FSTL4: variants seen among roughly 807,000 people sequenced by gnomAD.
FSTL4 encodes the protein follistatin-related protein 4.
Under a neutral mutation model 78.2 loss-of-function variants are expected in FSTL4, and 28 were observed. The observed-to-expected ratio is 0.36, with a 90% CI of 0.27 to 0.49. FSTL4 has a LOEUF of 0.49. FSTL4 is among the 20% of genes least tolerant of loss of function. FSTL4 has a pLI of 0.98. For missense variants in FSTL4, 922 were observed against 1,084.9 expected (o/e 0.85, Z 2.11); for synonymous variants, 422 against 440.5 (o/e 0.96, Z 0.53).
At chr5:133,634,923 G>T in the FSTL4 span, among the ~76,000 whole-genome samples, 1 of 152,018 alleles carries the variant, frequency 6.6e-6, no homozygotes, top group African/African-American at 2.4e-5. Context: ...GTACTGCCTT[G>T]TTCATCCAGA....
At chr5:133,593,936 T>C in intron 2 of FSTL4, among the ~76,000 whole-genome samples, 1 of 115,236 alleles carries the variant, frequency 8.7e-6, no homozygotes, top group African/African-American at 3.4e-5. Flanking sequence ...AAGGATAGAA[T>C]CACAAATCCC....
chr5:133,438,867 G>A (rs769312910), intron 3 of FSTL4, among the ~76,000 whole-genome samples: 2 of 152,208 alleles, frequency 1.3e-5, no homozygotes, highest in Non-Finnish European at 2.9e-5. Context: ...CTAAGAATGG[G>A]GTTATGTGAG....
At chr5:133,503,217 G>A (rs1044612816) in intron 3 of FSTL4, among the ~76,000 whole-genome samples, 8 of 152,142 alleles carry the variant, frequency 5.3e-5, no homozygotes, top group African/African-American at 1.9e-4. Flanking sequence ...AACCCACAAA[G>A]TTGCACTAGA....
At chr5:133,380,814 T>TATATA (rs1755549628) in intron 4 of FSTL4, among the ~76,000 whole-genome samples, 1 of 143,336 alleles carries the variant, frequency 7.0e-6, no homozygotes, top group Non-Finnish European at 1.5e-5. Context: ...AAAATATATA[T>TATATA]CATATATATA....
chr5:133,704,525 C>T, the FSTL4 span, among the ~76,000 whole-genome samples: 1 of 152,214 alleles, frequency 6.6e-6, no homozygotes, highest in Non-Finnish European at 1.5e-5. Context: ...AATCCTACAT[C>T]CTCATCAAAG....
At chr5:133,523,059 C>G (rs2112899873) in intron 3 of FSTL4, among the ~76,000 whole-genome samples, 1 of 150,378 alleles carries the variant, frequency 6.6e-6, no homozygotes, top group South Asian at 2.1e-4. Context: ...TTAGAATTCT[C>G]AAGGAGGTAA....
At chr5:133,210,864 T>G (rs898250864) in intron 13 of FSTL4, 1 of 152,236 alleles carries the variant, frequency 6.6e-6, no homozygotes, top group Non-Finnish European at 1.5e-5. Context: ...TAGACCAACA[T>G]GGCAAAAGTC....
chr5:133,484,047 A>C (rs1443501325), intron 3 of FSTL4, among the ~76,000 whole-genome samples: 1 of 151,930 alleles, frequency 6.6e-6, no homozygotes. Context: ...GCTGCCTTTC[A>C]CTTCCTTCTA....
the FSTL4 span, among the ~76,000 whole-genome samples, chr5:133,704,570 A>C: frequency 6.6e-6 from 1 of 152,220 alleles, no homozygotes; most frequent in Non-Finnish European, 1.5e-5. Flanking sequence ...TTGTTCTTAC[A>C]AGGTAAGAAG....
At chr5:133,471,908 T>C (rs1321173650) in intron 3 of FSTL4, among the ~76,000 whole-genome samples, 4 of 152,140 alleles carry the variant, frequency 2.6e-5, no homozygotes, top group Admixed American at 1.3e-4. Flanking sequence ...GCCATTCCAC[T>C]AGGTCTCACA....
At chr5:133,681,236 G>A in the FSTL4 span, among the ~76,000 whole-genome samples, 21 of 152,334 alleles carry the variant, frequency 1.4e-4, 1 homozygote, top group South Asian at 2.3e-3. Flanking sequence ...CTTGGCAAGC[G>A]GTCATTCACT....
intron 3 of FSTL4, among the ~76,000 whole-genome samples, chr5:133,478,087 GTTC>G (rs1302985959): frequency 6.6e-6 from 1 of 152,170 alleles, no homozygotes; most frequent in African/African-American, 2.4e-5. Flanking sequence ...GGCAAATTAT[GTTC>G]TTCTACTGAA....
chr5:133,656,601 G>C, the FSTL4 span, among the ~76,000 whole-genome samples: 3 of 152,128 alleles, frequency 2.0e-5, no homozygotes, highest in African/African-American at 7.2e-5. Flanking sequence ...TCTCACAGGA[G>C]AGAACAGGCT....
chr5:133,637,955 T>TTCA, the FSTL4 span, among the ~76,000 whole-genome samples: 2 of 147,840 alleles, frequency 1.4e-5, no homozygotes, highest in African/African-American at 5.0e-5. Context: ...ATAATAATAA[T>TTCA]TAATAATAAT....
the FSTL4 span, among the ~76,000 whole-genome samples, chr5:133,810,539 A>G: frequency 6.6e-6 from 1 of 152,186 alleles, no homozygotes; most frequent in East Asian, 1.9e-4. Context: ...GGGGTTTAAC[A>G]AGCAAAAGAA....
intron 4 of FSTL4, among the ~76,000 whole-genome samples, chr5:133,344,262 G>GA (rs1243561836): frequency 1.3e-5 from 2 of 152,134 alleles, no homozygotes; most frequent in African/African-American, 2.4e-5. Flanking sequence ...CTTCACTATG[G>GA]AAAAAATCAA....
intron 15 of FSTL4, among the ~76,000 whole-genome samples, chr5:133,200,818 T>G (rs1013678991): frequency 1.1e-4 from 16 of 152,238 alleles, no homozygotes; most frequent in African/African-American, 3.9e-4. Context: ...AGGAAAATAC[T>G]CCCTCCAAGG....
At chr5:133,654,097 C>T in the FSTL4 span, among the ~76,000 whole-genome samples, 1 of 152,176 alleles carries the variant, frequency 6.6e-6, no homozygotes. Flanking sequence ...AATCTAGAGG[C>T]TTATTTGAAG....
At chr5:133,695,584 C>A in the FSTL4 span, among the ~76,000 whole-genome samples, 1 of 152,186 alleles carries the variant, frequency 6.6e-6, no homozygotes, top group African/African-American at 2.4e-5. Flanking sequence ...ACGGGGACAG[C>A]AGCCACAGTA....
Sources: allele counts gnomAD v4.1 joint callset (sites outside exome capture counted in the v4.1 genomes callset), GRCh38; gene constraint gnomAD v4.1.1; transcripts MANE v1.5; gene names NCBI Gene and HGNC (gene_info 2026-07-23, HGNC 2026-07-21).